Variants in KCNMB2 observed in about 807,000 individuals in gnomAD.
The protein encoded by KCNMB2 is potassium calcium-activated channel subfamily M regulatory beta subunit 2.
A neutral mutation model predicts 24.5 loss-of-function variants in KCNMB2; 9 were observed. The ratio of observed to expected loss-of-function variants is 0.37; its 90% CI spans 0.22 to 0.64. KCNMB2 has a LOEUF of 0.64. KCNMB2 is among the 30% of genes least tolerant of loss of function. The pLI is 0.63. For missense variants in KCNMB2, 226 were observed against 284.3 expected (o/e 0.79, Z 1.47); for synonymous variants, 109 against 104.4 (o/e 1.04, Z -0.27).
At chr3:178,741,310 G>A (rs934927521) in intron 1 of KCNMB2, among the ~76,000 whole-genome samples, 4 of 152,122 alleles carry the variant, frequency 2.6e-5, no homozygotes, top group Admixed American at 6.5e-5. Context: ...AGAAAAAAAT[G>A]GAACACCTGT....
intron 1 of KCNMB2, among the ~76,000 whole-genome samples, chr3:178,790,733 C>T (rs1042346769): frequency 6.6e-6 from 1 of 152,206 alleles, no homozygotes; most frequent in African/African-American, 2.4e-5. Context: ...GTCACCCCTC[C>T]AACAGCTCCA....
chr3:178,691,046 T>A (rs1237405014), intron 1 of KCNMB2, among the ~76,000 whole-genome samples: 2 of 151,048 alleles, frequency 1.3e-5, no homozygotes. Context: ...CAAGCAATTC[T>A]CGCACCTTAG....
chr3:178,736,061 G>A (rs1325670579), intron 1 of KCNMB2, among the ~76,000 whole-genome samples: 1 of 152,148 alleles, frequency 6.6e-6, no homozygotes, highest in Non-Finnish European at 1.5e-5. Context: ...GACGCTCAGA[G>A]GAGACACAAG....
rs371315889 is a variant in KCNMB2, at chr3:178,564,641, A to G, written c.-68+27930A>G. Among the ~76,000 whole-genome samples, 52 of 152,292 alleles carry G rather than the reference A, an allele frequency of 3.4e-4. No individual in the cohort carries two copies. In the South Asian group the frequency reaches 0.01, roughly 30 times the overall value. On this transcript the variant is annotated intron_variant, in intron 1 of 4. Transcript: ENST00000452583. ...ATATTAATCTTGAGAAAAAAAGGTA[A>G]TTTATTCCCATTTCTGCACAAGAAA...
intron 1 of KCNMB2, among the ~76,000 whole-genome samples, chr3:178,547,425 G>A (rs1715809795): frequency 6.6e-6 from 1 of 152,108 alleles, no homozygotes; most frequent in Non-Finnish European, 1.5e-5. Flanking sequence ...CTATATTTCT[G>A]GTTAAACAAC....
intron 4 of KCNMB2, among the ~76,000 whole-genome samples, chr3:178,834,679 G>T (rs977148217): frequency 1.3e-5 from 2 of 152,072 alleles, no homozygotes; most frequent in South Asian, 4.1e-4. Flanking sequence ...AGGGGAATAT[G>T]CCCTGAAATT....
intron 1 of KCNMB2, among the ~76,000 whole-genome samples, chr3:178,559,332 C>G (rs1467164923): frequency 6.6e-6 from 1 of 151,870 alleles, no homozygotes. Flanking sequence ...GATGTTAATT[C>G]ACAAGTCTCA....
intron 2 of KCNMB2, among the ~76,000 whole-genome samples, chr3:178,810,597 C>A (rs1231624999): frequency 6.6e-6 from 1 of 152,148 alleles, no homozygotes; most frequent in Admixed American, 6.5e-5. Flanking sequence ...CAAGCCAGAT[C>A]TTTTTCTGAT....
rs10688616 is a variant in KCNMB2 at position 178,757,381 on chromosome 3, GAT to G, written c.-67-49951_-67-49950del. 3.8e-4 allele frequency among the ~76,000 whole-genome samples: 10 copies of G among 26,632 alleles called. 2 individuals are homozygous for G. Among genetic ancestry groups the G allele is most frequent in the South Asian group, 2.7e-3 (2 of 742 alleles). The allele number at this position is 26,632 out of a possible 152,430, so 17.5% of individuals were successfully genotyped here. A position where few individuals can be genotyped will look rare whatever the true frequency, so the allele number is the denominator to read the frequency against. Reference sequence around the variant, plus strand: ...ATATATATATATATATATCCAAGAGGATATATATATATGTATATATATCCAAG... The same window carrying G: ...ATATATATATATATATATCCAAGAGGATATATATATGTATATATATCCAAG... On this transcript the variant is annotated intron_variant, in intron 1 of 4. Coordinates refer to ENST00000452583, the MANE Select transcript of KCNMB2 (RefSeq NM_181361.3).
chr3:178,823,528 A>C (rs9851600), intron 2 of KCNMB2, among the ~76,000 whole-genome samples: 39,866 of 152,164 alleles, frequency 0.26, 7,051 homozygotes, highest in African/African-American at 0.51. Context: ...TAATAAGAAG[A>C]AGCTAATCAG....
intron 4 of KCNMB2, 100 bp downstream of exon 4, chr3:178,828,473 C>T: frequency 1.2e-6 from 1 of 822,416 alleles, no homozygotes; most frequent in Non-Finnish European, 1.9e-6. Flanking sequence ...AAGGAAAATA[C>T]TTCCAGGAAG....
At chr3:178,558,262 T>C (rs139788331) in intron 1 of KCNMB2, among the ~76,000 whole-genome samples, 2 of 152,230 alleles carry the variant, frequency 1.3e-5, no homozygotes, top group African/African-American at 4.8e-5. Context: ...TTGTTTGAAA[T>C]CCAATGAAAG....
chr3:178,538,303 T>C (rs1451800814), intron 1 of KCNMB2, among the ~76,000 whole-genome samples: 1 of 152,188 alleles, frequency 6.6e-6, no homozygotes, highest in African/African-American at 2.4e-5. Context: ...TATGACATCG[T>C]TTTCTGCTTC....
intron 1 of KCNMB2, among the ~76,000 whole-genome samples, chr3:178,775,093 T>A (rs1187132774): frequency 6.6e-6 from 1 of 152,230 alleles, no homozygotes; most frequent in Non-Finnish European, 1.5e-5. Context: ...CATCTAAAGT[T>A]CAAGGACATA....
At chr3:178,698,382 T>C (rs1721958110) in intron 1 of KCNMB2, among the ~76,000 whole-genome samples, 1 of 152,242 alleles carries the variant, frequency 6.6e-6, no homozygotes, top group African/African-American at 2.4e-5. Flanking sequence ...CTTCACGCTA[T>C]GAGAGTGTTT....
intron 1 of KCNMB2, among the ~76,000 whole-genome samples, chr3:178,770,869 G>A (rs1422694985): frequency 6.6e-6 from 1 of 152,110 alleles, no homozygotes; most frequent in African/African-American, 2.4e-5. Flanking sequence ...TGGCTAATTG[G>A]CAGAGTCAGA....
chr3:178,629,091 T>C (rs1257984500), intron 1 of KCNMB2, among the ~76,000 whole-genome samples: 1 of 152,192 alleles, frequency 6.6e-6, no homozygotes, highest in South Asian at 2.1e-4. Context: ...GGCTCCTAAT[T>C]ATCTACATTA....
intron 1 of KCNMB2, among the ~76,000 whole-genome samples, chr3:178,586,099 T>C (rs1022395558): frequency 6.6e-6 from 1 of 152,192 alleles, no homozygotes; most frequent in Non-Finnish European, 1.5e-5. Context: ...CTCTTGCTCT[T>C]TGCCTCGTTT....
At chr3:178,810,939 A>T (rs546834625) in intron 2 of KCNMB2, among the ~76,000 whole-genome samples, 5 of 141,854 alleles carry the variant, frequency 3.5e-5, no homozygotes, top group Non-Finnish European at 7.6e-5. Flanking sequence ...TTTTTAATAG[A>T]GACGGGGCTT....
Sources: gnomAD v4.1 joint callset for allele counts (sites outside exome capture counted in the v4.1 genomes callset) on GRCh38, gnomAD v4.1.1 for gene constraint, MANE v1.5 for transcripts, NCBI Gene and HGNC (gene_info 2026-07-23, HGNC 2026-07-21) for gene names.